The following FRAS1 variants were observed in gnomAD, a reference collection of about 807,000 sequenced individuals.
FRAS1 encodes Fraser extracellular matrix complex subunit 1.
In FRAS1, 290 loss-of-function variants were observed where a neutral mutation model predicts 435.2. The observed-to-expected ratio is 0.67, with a 90% CI of 0.61 to 0.73. The LOEUF is 0.73. FRAS1 is among the 30% of genes least tolerant of loss of function. The pLI is 0.00. For missense variants in FRAS1, 4,860 were observed against 5,001.5 expected, an observed-to-expected ratio of 0.97 and a Z score of 0.85; for synonymous variants, 1,800 against 1,851.0, an observed-to-expected ratio of 0.97 and a Z score of 0.71.
intron 35 of FRAS1, among the ~76,000 whole-genome samples, chr4:78,427,174 T>C (rs151145462): frequency 6.6e-6 from 1 of 152,272 alleles, no homozygotes; most frequent in African/African-American, 2.4e-5. Context: ...GGATTAATGG[T>C]TAATCATGGG....
intron 30 of FRAS1, among the ~76,000 whole-genome samples, chr4:78,404,654 C>T (rs1239016443): frequency 6.6e-6 from 1 of 152,220 alleles, no homozygotes; most frequent in Non-Finnish European, 1.5e-5. Flanking sequence ...TCATCCTTCA[C>T]AGAAACCTTT....
intron 15 of FRAS1, among the ~76,000 whole-genome samples, chr4:78,312,932 A>T (rs949132706): frequency 6.6e-6 from 1 of 152,108 alleles, no homozygotes; most frequent in Non-Finnish European, 1.5e-5. Context: ...TTGATATTAC[A>T]TTGGAGTTAT....
chr4:78,207,405 G>C (rs1723308134), intron 2 of FRAS1, among the ~76,000 whole-genome samples: 1 of 152,208 alleles, frequency 6.6e-6, no homozygotes, highest in Non-Finnish European at 1.5e-5. Context: ...TAGGGCTACA[G>C]ATATAGGGAA....
chr4:78,436,342 A>G (rs1463579196), intron 38 of FRAS1, among the ~76,000 whole-genome samples: 2 of 152,194 alleles, frequency 1.3e-5, no homozygotes, highest in African/African-American at 4.8e-5. Flanking sequence ...AAGACAATGG[A>G]TCCACAGGAT....
intron 2 of FRAS1, among the ~76,000 whole-genome samples, chr4:78,080,844 T>C (rs1740862241): frequency 6.6e-6 from 1 of 152,218 alleles, no homozygotes; most frequent in Non-Finnish European, 1.5e-5. Context: ...CATAGTTACA[T>C]TACCTTTTAA....
intron 3 of FRAS1, among the ~76,000 whole-genome samples, chr4:78,244,671 A>C (rs978899679): frequency 6.6e-5 from 10 of 152,210 alleles, no homozygotes; most frequent in Admixed American, 5.9e-4. Flanking sequence ...CTCTGGGAAC[A>C]ATGTAGATCT....
rs778044032 is a variant in FRAS1 at position 78,057,711 on chromosome 4, G to C, written c.-299G>C. 2.3e-6 allele frequency: 1 copy of C among 439,726 alleles called. No individual in the cohort carries two copies. The highest frequency in any genetic ancestry group is 2.0e-5 in the African/African-American group (1 of 50,340). The allele number at this position is 439,726 out of a possible 1,614,324, so 27.2% of individuals were successfully genotyped here. ...CAACTTTCCGGCGAGATTTTGACGC[G>C]GAGAACTGTGCTCTGCCTCCTCTTA... On this transcript the variant is annotated 5_prime_UTR_variant, in exon 1 of 74. Transcript: ENST00000512123. The surrounding 1 kb of genome is among the most constrained non-coding windows in gnomAD (Gnocchi z 4.2).
chr4:78,537,231 G>C, intron 72 of FRAS1, 31 bp downstream of exon 72: 1 of 1,594,416 alleles, frequency 6.3e-7, no homozygotes, highest in Non-Finnish European at 8.6e-7. Flanking sequence ...TAGTGTTAAA[G>C]AGCAGACACT....
intron 71 of FRAS1, among the ~76,000 whole-genome samples, chr4:78,535,292 G>A (rs1167951560): frequency 6.6e-6 from 1 of 152,042 alleles, no homozygotes; most frequent in Admixed American, 6.6e-5. Flanking sequence ...CCATGGCTTG[G>A]GCCATCCCTT....
Position 78,286,330 on chromosome 4 carries a change from G to A in FRAS1, c.1400-75G>A, listed in dbSNP as rs907692542. The A allele has an allele frequency of 2.4e-5, 38 of 1,556,768 alleles. No homozygotes were observed. The African/African-American group carries it at 5.0e-4, about 21-fold the overall frequency. ...GGAGCCTCAAGATTGGGCTGTGTAA[G>A]CACTGGCATGGGGGTGGTGTCTTTC... On this transcript the variant is annotated intron_variant, in intron 13 of 73. Transcript: ENST00000512123.
intron 14 of FRAS1, among the ~76,000 whole-genome samples, chr4:78,298,011 T>TCTCG (rs1316430366): frequency 9.7e-6 from 1 of 102,940 alleles, no homozygotes; most frequent in Non-Finnish European, 2.0e-5. Flanking sequence ...TTCCTCTCTC[T>TCTCG]CTCTCTCTCT....
intron 20 of FRAS1, among the ~76,000 whole-genome samples, chr4:78,344,147 G>T (rs1020885947): frequency 6.6e-6 from 1 of 151,460 alleles, no homozygotes; most frequent in Non-Finnish European, 1.5e-5. Context: ...CATCTCCCCT[G>T]TTAGAATTTC....
chr4:78,284,105 T>C (rs1372894006), intron 12 of FRAS1, among the ~76,000 whole-genome samples: 1 of 152,152 alleles, frequency 6.6e-6, no homozygotes, highest in African/African-American at 2.4e-5. Flanking sequence ...AAGTAGTCAT[T>C]CCTGTTTCTT....
chr4:78,510,449 T>A (rs1400532538), intron 63 of FRAS1, among the ~76,000 whole-genome samples: 1 of 152,296 alleles, frequency 6.6e-6, no homozygotes, highest in East Asian at 1.9e-4. Context: ...TAAAAAAAAG[T>A]TTAATGGAAA....
At chr4:78,272,522 C>T (rs889016973) in intron 9 of FRAS1, among the ~76,000 whole-genome samples, 1 of 152,196 alleles carries the variant, frequency 6.6e-6, no homozygotes, top group Non-Finnish European at 1.5e-5. Flanking sequence ...TTTCAGCCTT[C>T]TACATATGGC....
intron 16 of FRAS1, 119 bp from the exon 17 acceptor site, chr4:78,317,249 T>C: frequency 8.8e-7 from 1 of 1,138,254 alleles, no homozygotes; most frequent in African/African-American, 1.5e-5. Flanking sequence ...CATTTTCCCC[T>C]TGGTTTGGTG....
In FRAS1 at chr4:78,472,256, T is replaced by A. The variant is rs754451929; in HGVS notation, c.7448T>A (p.Ile2483Lys). 1.2e-6 allele frequency: 2 copies of A among 1,613,782 alleles called. No homozygotes were observed. The highest frequency in any genetic ancestry group is 4.5e-5 in the East Asian group (2 of 44,852). The change falls in exon 52 of 74, where the codon ATA becomes AAA. Residue 2483 changes from isoleucine (I) to lysine (K), a missense_variant. By Grantham distance (102) the Ile-to-Lys change is moderately radical. Coordinates refer to ENST00000512123, the MANE Select transcript of FRAS1 (RefSeq NM_025074.7). ...DTEDAQLVYE[I>K]TTGPKHGFVE... ...GAGGACGCGCAGCTTGTCTATGAGA[T>A]AACGACGGGCCCTAAGCATGGCTTT...
chr4:78,312,855 AAGAAAGAG>A lies in FRAS1; in HGVS notation c.1679-2735_1679-2728del, dbSNP rs1471433285. On this transcript the variant is annotated intron_variant, in intron 15 of 73. Transcript: ENST00000512123. ...TGAAAGAAAGAAAAAGAAAGAAAGA[AAGAAAGAG>A]AGAGAGAGAGAGAGAGAGAAAGAAA... Among the ~76,000 whole-genome samples the A allele has an allele frequency of 1.7e-4, 13 of 75,290 alleles. No individual in the cohort carries two copies. In the East Asian group the frequency reaches 2.0e-3, roughly 12 times the overall value. The allele number at this position is 75,290 out of a possible 152,430, so 49.4% of individuals were successfully genotyped here. A position where few individuals can be genotyped will look rare whatever the true frequency, so the allele number is the denominator to read the frequency against.
At chr4:78,059,506 T>TG (rs199843027) in intron 1 of FRAS1, among the ~76,000 whole-genome samples, 3,494 of 136,272 alleles carry the variant, frequency 0.026, 65 homozygotes, top group Admixed American at 0.071. Flanking sequence ...GCGCGTACTT[T>TG]GGAAAAAAAA....
Sources: gnomAD v4.1 joint callset for allele counts (sites outside exome capture counted in the v4.1 genomes callset) on GRCh38, gnomAD v4.1.1 for gene constraint, Gnocchi (gnomAD v3.1) non-coding constraint, MANE v1.5 for transcripts, NCBI Gene and HGNC (gene_info 2026-07-23, HGNC 2026-07-21) for gene names.